The following FHIT variants were observed in gnomAD, a reference collection of about 807,000 sequenced individuals.
The protein encoded by FHIT is bis(5'-adenosyl)-triphosphatase.
In FHIT, 19 loss-of-function variants were observed where a neutral mutation model predicts 17.9. The ratio of observed to expected loss-of-function variants is 1.06; its 90% CI spans 0.74 to 1.56. FHIT has a LOEUF of 1.56. FHIT is among the 40% of genes most tolerant of loss of function. The pLI, the probability that FHIT is intolerant of heterozygous loss-of-function variation, is 0.00. For synonymous variants in FHIT, 81 were observed against 69.7 expected, an observed-to-expected ratio of 1.16 and a Z score of -0.81; for missense variants, 248 against 189.2, an observed-to-expected ratio of 1.31 and a Z score of -1.82.
intron 3 of FHIT, among the ~76,000 whole-genome samples, chr3:60,900,503 T>C (rs1706064898): frequency 6.6e-6 from 1 of 152,068 alleles, no homozygotes; most frequent in Admixed American, 6.6e-5. Flanking sequence ...TGCAATCTTT[T>C]TAGAAACCAA....
chr3:61,031,781 G>A (rs768448900), intron 3 of FHIT, among the ~76,000 whole-genome samples: 4 of 152,206 alleles, frequency 2.6e-5, no homozygotes, highest in Non-Finnish European at 5.9e-5. Flanking sequence ...CCACATGGAA[G>A]TTATACTGAA....
intron 5 of FHIT, among the ~76,000 whole-genome samples, chr3:60,356,862 C>T (rs1559848523): frequency 1.3e-5 from 2 of 149,678 alleles, no homozygotes. Context: ...CTTCTGCTCA[C>T]ATCTTTCAGG....
At chr3:60,839,928 T>C (rs1702663440) in intron 3 of FHIT, among the ~76,000 whole-genome samples, 1 of 152,158 alleles carries the variant, frequency 6.6e-6, no homozygotes, top group Non-Finnish European at 1.5e-5. Context: ...ACGTCTTTAT[T>C]TCCTTTACAG....
chr3:60,124,003 T>C (rs71313745), intron 5 of FHIT, among the ~76,000 whole-genome samples: 15 of 24,590 alleles, frequency 6.1e-4, no homozygotes, highest in African/African-American at 2.3e-3. Context: ...TATATATATA[T>C]ATATATAGAG....
At chr3:61,208,799 G>A (rs148843405) in intron 1 of FHIT, among the ~76,000 whole-genome samples, 5,135 of 152,036 alleles carry the variant, frequency 0.034, 148 homozygotes, top group African/African-American at 0.052. Flanking sequence ...TTTAATTGGA[G>A]CATTTAGTCC....
At chr3:60,810,024 GTGA>G in intron 4 of FHIT, among the ~76,000 whole-genome samples, 1 of 152,310 alleles carries the variant, frequency 6.6e-6, no homozygotes, top group East Asian at 1.9e-4. Flanking sequence ...ACACACTGCG[GTGA>G]TGATAAGGCC....
At chr3:60,004,709 A>C (rs1368002146) in intron 7 of FHIT, among the ~76,000 whole-genome samples, 2 of 152,172 alleles carry the variant, frequency 1.3e-5, no homozygotes, top group Non-Finnish European at 2.9e-5. Context: ...CTTGGGTTTG[A>C]ATCCCAATTC....
intron 1 of FHIT, among the ~76,000 whole-genome samples, chr3:61,202,067 T>C (rs868850288): frequency 6.7e-6 from 1 of 148,610 alleles, no homozygotes; most frequent in East Asian, 2.0e-4. Context: ...CGCACATAGA[T>C]ACACACACAC....
At chr3:60,195,553 A>ATATATTTATATATT (rs1553709044) in intron 5 of FHIT, among the ~76,000 whole-genome samples, 14 of 136,496 alleles carry the variant, frequency 1.0e-4, no homozygotes, top group African/African-American at 3.5e-4. Flanking sequence ...TGTGATATAT[A>ATATATTTATATATT]TATATATTTA....
intron 5 of FHIT, among the ~76,000 whole-genome samples, chr3:60,442,986 C>A (rs1307051754): frequency 2.0e-5 from 3 of 152,000 alleles, no homozygotes; most frequent in East Asian, 1.9e-4. Context: ...AGAGGTCCTT[C>A]ACATCCCTTG....
chr3:60,382,954 C>T (rs9841239), intron 5 of FHIT, among the ~76,000 whole-genome samples: 40,486 of 152,052 alleles, frequency 0.27, 5,541 homozygotes, highest in East Asian at 0.48. Flanking sequence ...AATGTCACGA[C>T]TAGCTTGTCA....
At chr3:60,372,533 A>G (rs1380140820) in intron 5 of FHIT, among the ~76,000 whole-genome samples, 1 of 152,124 alleles carries the variant, frequency 6.6e-6, no homozygotes. Context: ...ACATGCCCAC[A>G]CTTGGATTTT....
intron 5 of FHIT, among the ~76,000 whole-genome samples, chr3:60,218,082 A>T (rs1056916426): frequency 6.6e-5 from 10 of 152,240 alleles, no homozygotes; most frequent in South Asian, 4.1e-4. Flanking sequence ...GTATTATTTT[A>T]AAAAAATTTT....
intron 5 of FHIT, among the ~76,000 whole-genome samples, chr3:60,206,163 A>AT (rs1194728715): frequency 0.03 from 4,262 of 142,660 alleles, 132 homozygotes; most frequent in Admixed American, 0.065. Flanking sequence ...AATAATAATA[A>AT]TAATAATAAT....
chr3:60,847,052 G>C (rs941573380), intron 3 of FHIT, among the ~76,000 whole-genome samples: 2 of 152,112 alleles, frequency 1.3e-5, no homozygotes, highest in Admixed American at 6.5e-5. Flanking sequence ...TTGAACTCCT[G>C]ACCTCAGGTG....
chr3:59,956,681 A>T (rs186644729), intron 7 of FHIT, among the ~76,000 whole-genome samples: 1 of 152,290 alleles, frequency 6.6e-6, no homozygotes, highest in Non-Finnish European at 1.5e-5. Context: ...TAAAAAAAAG[A>T]CAATCTCCTT....
intron 3 of FHIT, among the ~76,000 whole-genome samples, chr3:60,924,559 C>T (rs946650449): frequency 5.9e-5 from 9 of 152,074 alleles, no homozygotes; most frequent in African/African-American, 1.7e-4. Context: ...CCCATCTGTA[C>T]GTCACCATCA....
intron 2 of FHIT, among the ~76,000 whole-genome samples, chr3:61,117,936 C>T (rs6806415): frequency 0.75 from 114,705 of 152,074 alleles, 44,139 homozygotes; most frequent in African/African-American, 0.8. Flanking sequence ...GGATGGGGCA[C>T]TCTTTTGAGT....
intron 5 of FHIT, among the ~76,000 whole-genome samples, chr3:60,111,614 A>G (rs1269738762): frequency 1.3e-5 from 2 of 152,250 alleles, no homozygotes; most frequent in Non-Finnish European, 2.9e-5. Flanking sequence ...AAAGCTCTAT[A>G]ATTAGCTGTC....
Sources: gnomAD v4.1 joint callset for allele counts (sites outside exome capture counted in the v4.1 genomes callset) on GRCh38, gnomAD v4.1.1 for gene constraint, MANE v1.5 for transcripts, NCBI Gene and HGNC (gene_info 2026-07-23, HGNC 2026-07-21) for gene names.